NAA11: variants seen among roughly 807,000 people sequenced by gnomAD.
The protein encoded by NAA11 is N-alpha-acetyltransferase 11.
A neutral mutation model predicts 16.1 loss-of-function variants in NAA11; 15 were observed. That is an observed-to-expected ratio of 0.93 (90% confidence interval 0.62 to 1.44). The LOEUF (loss-of-function observed/expected upper bound fraction) is 1.44, where lower values mean the gene tolerates loss of function less well. NAA11 is among the 40% of genes most tolerant of loss of function. NAA11 has a pLI of 0.00. For missense variants in NAA11, 298 were observed against 291.3 expected, an observed-to-expected ratio of 1.02 and a Z score of -0.17; for synonymous variants, 122 against 112.4, an observed-to-expected ratio of 1.09 and a Z score of -0.54.
chr4:79,309,284 A>G (rs1171995377), intron 1 of NAA11, among the ~76,000 whole-genome samples: 3 of 146,682 alleles, frequency 2.0e-5, no homozygotes, highest in Non-Finnish European at 1.5e-5. Flanking sequence ...TGCTTTGCAC[A>G]TGGACTAAAA....
intron 2 of NAA11, among the ~76,000 whole-genome samples, chr4:79,249,406 A>G (rs1721939537): frequency 6.6e-6 from 1 of 152,228 alleles, no homozygotes; most frequent in African/African-American, 2.4e-5. Flanking sequence ...ACAAATGACC[A>G]TTACAAGAAA....
At chr4:79,283,762 A>G (rs1368867123) in intron 2 of NAA11, among the ~76,000 whole-genome samples, 1 of 152,116 alleles carries the variant, frequency 6.6e-6, no homozygotes, top group Admixed American at 6.6e-5. Context: ...GAAGTTGGGG[A>G]AGGAGAGATA....
the NAA11 span, among the ~76,000 whole-genome samples, chr4:79,176,012 T>A: frequency 2.4e-4 from 37 of 152,172 alleles, no homozygotes; most frequent in African/African-American, 8.2e-4. Flanking sequence ...GCTTTGTCCC[T>A]ATTTCATTGT....
the NAA11 span, among the ~76,000 whole-genome samples, chr4:79,156,731 C>T: frequency 6.6e-6 from 1 of 152,162 alleles, no homozygotes; most frequent in African/African-American, 2.4e-5. Context: ...AATTCACTAT[C>T]GTACATCTGT....
At chr4:79,209,915 G>A in the NAA11 span, among the ~76,000 whole-genome samples, 299 of 152,128 alleles carry the variant, frequency 2.0e-3, 3 homozygotes, top group African/African-American at 6.7e-3. Context: ...GCGTGGTGGC[G>A]CACACCTGTA....
intron 1 of NAA11, among the ~76,000 whole-genome samples, chr4:79,322,505 GTATA>G: frequency 6.7e-6 from 1 of 150,182 alleles, no homozygotes; most frequent in East Asian, 2.0e-4. Context: ...GTGTGTGTGT[GTATA>G]TATATATATA....
chr4:79,235,351 G>A (rs1037092155), intron 2 of NAA11, among the ~76,000 whole-genome samples: 2 of 152,028 alleles, frequency 1.3e-5, no homozygotes, highest in African/African-American at 4.8e-5. Flanking sequence ...TTTATCGACA[G>A]ATGGAGGACC....
the NAA11 span, among the ~76,000 whole-genome samples, chr4:79,171,285 G>T: frequency 1.3e-5 from 2 of 152,122 alleles, no homozygotes; most frequent in Non-Finnish European, 2.9e-5. Context: ...GATATTGCAG[G>T]AGTTGGCTCT....
intron 2 of NAA11, among the ~76,000 whole-genome samples, chr4:79,274,568 G>GCCC (rs1041044298): frequency 1.3e-5 from 2 of 152,056 alleles, no homozygotes; most frequent in African/African-American, 4.8e-5. Context: ...TTGCATCTTG[G>GCCC]CCCTCCTACC....
downstream of NAA11, among the ~76,000 whole-genome samples, chr4:79,313,569 G>C (rs914340981): frequency 6.6e-6 from 1 of 152,134 alleles, no homozygotes; most frequent in Non-Finnish European, 1.5e-5. Context: ...AGCAATATAT[G>C]TATGATTTAA....
chr4:79,190,243 A>G, the NAA11 span, among the ~76,000 whole-genome samples: 1 of 152,224 alleles, frequency 6.6e-6, no homozygotes, highest in African/African-American at 2.4e-5. Flanking sequence ...TTTGAAGAAA[A>G]AAAAGGTTCT....
chr4:79,300,325 G>A (rs899835973), intron 1 of NAA11, among the ~76,000 whole-genome samples: 4 of 152,090 alleles, frequency 2.6e-5, no homozygotes, highest in Non-Finnish European at 5.9e-5. Context: ...ACATTTTGTT[G>A]CCTATTTCAA....
At chr4:79,248,981 G>A (rs1263296222) in intron 2 of NAA11, among the ~76,000 whole-genome samples, 1 of 151,276 alleles carries the variant, frequency 6.6e-6, no homozygotes, top group Admixed American at 6.6e-5. Context: ...AGCAGTCTGG[G>A]AGCACTTGAG....
At chr4:79,263,755 T>C (rs1455228882) in intron 2 of NAA11, among the ~76,000 whole-genome samples, 1 of 152,202 alleles carries the variant, frequency 6.6e-6, no homozygotes, top group Admixed American at 6.5e-5. Flanking sequence ...ATTTTCTTAG[T>C]CAATTTATAC....
chr4:79,172,146 A>C, the NAA11 span, among the ~76,000 whole-genome samples: 1 of 152,090 alleles, frequency 6.6e-6, no homozygotes, highest in African/African-American at 2.4e-5. Context: ...ATTCTGAGTC[A>C]TAATCTGTGA....
chr4:79,235,913 CAGAT>C (rs1292305707), intron 2 of NAA11, among the ~76,000 whole-genome samples: 5 of 151,790 alleles, frequency 3.3e-5, no homozygotes, highest in Non-Finnish European at 7.4e-5. Flanking sequence ...CAGTATGGAT[CAGAT>C]AGATAGATCA....
chr4:79,194,290 CT>C, the NAA11 span, among the ~76,000 whole-genome samples: 1 of 152,154 alleles, frequency 6.6e-6, no homozygotes, highest in South Asian at 2.1e-4. Context: ...TTGATTATTC[CT>C]TTGCATGAGC....
chr4:79,253,519 G>C (rs1171584759), intron 2 of NAA11, among the ~76,000 whole-genome samples: 1 of 152,070 alleles, frequency 6.6e-6, no homozygotes, highest in Non-Finnish European at 1.5e-5. Flanking sequence ...AATCAGAGGA[G>C]AACCAGTTGA....
At chr4:79,248,997 C>G (rs934747424) in intron 2 of NAA11, among the ~76,000 whole-genome samples, 11 of 152,178 alleles carry the variant, frequency 7.2e-5, no homozygotes, top group Admixed American at 3.3e-4. Flanking sequence ...TTGAGCCCCC[C>G]CCCAGTGCAG....
Sources: gnomAD v4.1 joint callset for allele counts (sites outside exome capture counted in the v4.1 genomes callset) on GRCh38, gnomAD v4.1.1 for gene constraint, MANE v1.5 for transcripts, NCBI Gene and HGNC (gene_info 2026-07-23, HGNC 2026-07-21) for gene names.